Variants in PSMC4 observed in about 807,000 individuals in gnomAD.
The protein encoded by PSMC4 is 26S proteasome regulatory subunit 6B.
PSMC4 carries 13 observed loss-of-function variants against 48.4 expected under a neutral mutation model. That is an observed-to-expected ratio of 0.27 (90% CI 0.18 to 0.43). The LOEUF (loss-of-function observed/expected upper bound fraction) is 0.43, where lower values mean the gene tolerates loss of function less well. Ranked by LOEUF, PSMC4 falls within the 20% of genes least tolerant of loss-of-function variation. PSMC4 has a pLI of 1.00. For missense variants in PSMC4, 262 were observed against 555.9 expected, an observed-to-expected ratio of 0.47 and a Z score of 5.32; for synonymous variants, 202 against 212.3, an observed-to-expected ratio of 0.95 and a Z score of 0.42.
At chr19:39,975,107 A>G (rs1339671348) in intron 6 of PSMC4, among the ~76,000 whole-genome samples, 2 of 152,184 alleles carry the variant, frequency 1.3e-5, no homozygotes, top group Non-Finnish European at 2.9e-5. Context: ...TGTGGGTTGC[A>G]GCCAGTATTT....
chr19:39,974,901 C>T lies in PSMC4; in HGVS notation c.673+73C>T, dbSNP rs1255088691. 7 of 1,380,408 alleles carry T rather than the reference C, an allele frequency of 5.1e-6. No homozygotes were observed. The Admixed American group carries it at 1.3e-4, about 25-fold the overall frequency. 85.5% of individuals were successfully genotyped at this position (1,380,408 alleles called of 1,614,324 possible). On this transcript the variant is annotated intron_variant, in intron 6 of 10. Coordinates refer to ENST00000157812, the MANE Select transcript of PSMC4 (RefSeq NM_006503.4). The surrounding 1 kb of genome is among the most constrained non-coding windows in gnomAD (Gnocchi z 5.5). The stretch of plus-strand genomic sequence containing the variant: ...GCCTTGCTCCCTGCTCGCTCACTGG[C>T]ACTGCACAGTAATTAGAAACAGACT...
intron 6 of PSMC4, chr19:39,979,589 TAAG>T (rs1006610325): frequency 8.1e-6 from 3 of 372,452 alleles, no homozygotes; most frequent in Non-Finnish European, 9.4e-6. Flanking sequence ...GACACATTTG[TAAG>T]GATGATTCAT....
At position 39,974,872 on chromosome 19, in the gene PSMC4, C is replaced by T. The variant is rs780997994; in HGVS notation, c.673+44C>T. Reference sequence around the variant, plus strand: ...GCCCCGAGCTCTCATCTTCTGGCCTCTTCGCCTTGCTCCCTGCTCGCTCAC... The same window carrying T: ...GCCCCGAGCTCTCATCTTCTGGCCTTTTCGCCTTGCTCCCTGCTCGCTCAC... On this transcript the variant is annotated intron_variant, in intron 6 of 10. Coordinates refer to ENST00000157812, the MANE Select transcript of PSMC4 (RefSeq NM_006503.4). This position sits in a 1 kb window ranked among gnomAD's most constrained non-coding sequence, Gnocchi z 5.5. 1 of 1,545,352 alleles carries T rather than the reference C, an allele frequency of 6.5e-7. No individual in the cohort carries two copies. Among genetic ancestry groups the T allele is most frequent in the East Asian group, 2.3e-5 (1 of 44,412 alleles).
chr19:39,974,918 A>G lies in PSMC4; in HGVS notation c.673+90A>G. On this transcript the variant is annotated intron_variant, in intron 6 of 10. Transcript: ENST00000157812. This position sits in a 1 kb window ranked among gnomAD's most constrained non-coding sequence, Gnocchi z 5.5. The stretch of plus-strand genomic sequence containing the variant: ...CTCACTGGCACTGCACAGTAATTAG[A>G]AACAGACTCTGGGGTCATAGCCCAC... The G allele has an allele frequency of 7.8e-7, 1 of 1,275,508 alleles. No individual in the cohort carries two copies. Among genetic ancestry groups the G allele is most frequent in the Non-Finnish European group, 1.1e-6 (1 of 907,360 alleles). 79.0% of individuals were successfully genotyped at this position (1,275,508 alleles called of 1,614,324 possible).
chr19:39,976,846 ATT>A (rs1222145410), intron 6 of PSMC4, among the ~76,000 whole-genome samples: 29 of 105,736 alleles, frequency 2.7e-4, no homozygotes, highest in African/African-American at 5.9e-4. Flanking sequence ...TTTGTGTGTG[ATT>A]TTTTTTTTTT....
intron 6 of PSMC4, among the ~76,000 whole-genome samples, chr19:39,976,244 A>AAAAT (rs1336383167): frequency 1.5e-5 from 2 of 132,406 alleles, no homozygotes; most frequent in Admixed American, 7.8e-5. Context: ...CTCCAAAAAA[A>AAAAT]ATATATATAT....
rs1375752136 is a variant in PSMC4 at position 39,974,346 on chromosome 19, G to A, written c.375G>A (p.Lys125=). Residue 125 remains lysine (K), a synonymous_variant, in exon 4 of 11, where the codon AAG becomes AAA. Coordinates refer to ENST00000157812, the MANE Select transcript of PSMC4 (RefSeq NM_006503.4). The surrounding 1 kb of genome is among the most constrained non-coding windows in gnomAD (Gnocchi z 5.5). ...GCACCATCGATCGGGAGCTGCTCAA[G>A]CCCAACGCCTCAGTGGCCCTCCACA... ...ILSTIDRELL[K]PNASVALHKH... is the part of the protein sequence containing the mutation. 5 of 1,614,140 alleles carry A rather than the reference G, an allele frequency of 3.1e-6. No homozygotes were observed. Among genetic ancestry groups the A allele is most frequent in the Non-Finnish European group, 4.2e-6 (5 of 1,180,018 alleles).
chr19:39,972,768 G>A (rs1971124184), intron 3 of PSMC4, among the ~76,000 whole-genome samples: 1 of 151,576 alleles, frequency 6.6e-6, no homozygotes, highest in Non-Finnish European at 1.5e-5. Context: ...TTTGTTTTGA[G>A]ACAGAGTTTT....
At position 39,974,847 on chromosome 19, in the gene PSMC4, G is replaced by A; in HGVS notation, c.673+19G>A. The A allele has an allele frequency of 6.2e-7, 1 of 1,602,418 alleles. No individual in the cohort carries two copies. Among genetic ancestry groups the A allele is most frequent in the Non-Finnish European group, 8.5e-7 (1 of 1,170,254 alleles). On this transcript the variant is annotated intron_variant, in intron 6 of 10. Coordinates refer to ENST00000157812, the MANE Select transcript of PSMC4 (RefSeq NM_006503.4). This position sits in a 1 kb window ranked among gnomAD's most constrained non-coding sequence, Gnocchi z 5.5. ...ACAACAGGTGAGCCCTTTCGCCCCTGCCCCGAGCTCTCATCTTCTGGCCTC... is the reference window on the plus strand; with the variant it reads ...ACAACAGGTGAGCCCTTTCGCCCCTACCCCGAGCTCTCATCTTCTGGCCTC...
chr19:39,981,121 T>C, intron 10 of PSMC4, 71 bp from the exon 11 acceptor site: 1 of 1,169,924 alleles, frequency 8.5e-7, no homozygotes, highest in Non-Finnish European at 1.3e-6. Context: ...CCTCCCAAAG[T>C]GTCGGGATTA....
At position 39,980,140 on chromosome 19, in the gene PSMC4, T is replaced by G; in HGVS notation, c.912T>G (p.Asn304Lys). The G allele has an allele frequency of 6.2e-7, 1 of 1,613,922 alleles. No individual in the cohort carries two copies. Among genetic ancestry groups the G allele is most frequent in the Non-Finnish European group, 8.5e-7 (1 of 1,179,990 alleles). The stretch of plus-strand genomic sequence containing the variant: ...TGGATGGATTTGATCAGAATGTCAA[T>G]GTCAAGGTTTGGGGTTTGGGATGGA... ...NQMDGFDQNV[N>K]VKVIMATNRA... The change falls in exon 8 of 11, where the codon AAT becomes AAG. Residue 304 changes from asparagine to lysine, a missense_variant. Around this residue, in one of 4 missense-constraint regions of PSMC4, gnomAD observed 84 missense variants for 157.8 expected, o/e 0.53. Coordinates refer to ENST00000157812, the MANE Select transcript of PSMC4 (RefSeq NM_006503.4). The surrounding 1 kb of genome is among the most constrained non-coding windows in gnomAD (Gnocchi z 4.8).
rs1971173861 is a variant in PSMC4 at position 39,974,929 on chromosome 19, G to T, written c.673+101G>T. ...TGCACAGTAATTAGAAACAGACTCTGGGGTCATAGCCCACGTGTGCATGTT... is the reference window on the plus strand; with the variant it reads ...TGCACAGTAATTAGAAACAGACTCTTGGGTCATAGCCCACGTGTGCATGTT... On this transcript the variant is annotated intron_variant, in intron 6 of 10. Transcript: ENST00000157812. This position sits in a 1 kb window ranked among gnomAD's most constrained non-coding sequence, Gnocchi z 5.5. The T allele has an allele frequency of 6.8e-6, 8 of 1,177,646 alleles. No homozygotes were observed. The highest frequency in any genetic ancestry group is 2.1e-5 in the Admixed American group (1 of 48,264). 72.9% of individuals were successfully genotyped at this position (1,177,646 alleles called of 1,614,324 possible). A position where few individuals can be genotyped will look rare whatever the true frequency, so the allele number is the denominator to read the frequency against.
chr19:39,974,332 C>A lies in PSMC4; in HGVS notation c.361C>A (p.Arg121=). The change falls in exon 4 of 11, where the codon CGG becomes AGG. Residue 121 remains arginine (R), a synonymous_variant. Transcript: ENST00000157812. This position sits in a 1 kb window ranked among gnomAD's most constrained non-coding sequence, Gnocchi z 5.5. ...TGTGCGCATCCTGAGCACCATCGAT[C>A]GGGAGCTGCTCAAGCCCAACGCCTC... ...YYVRILSTID[R]ELLKPNASVA... is the part of the protein sequence containing the mutation. 1.2e-6 allele frequency: 2 copies of A among 1,614,122 alleles called. No homozygotes were observed. Among genetic ancestry groups the A allele is most frequent in the Non-Finnish European group, 1.7e-6 (2 of 1,180,020 alleles).
At chr19:39,979,212 TTTTC>T (rs2144618456) in intron 6 of PSMC4, among the ~76,000 whole-genome samples, 1 of 152,302 alleles carries the variant, frequency 6.6e-6, no homozygotes, top group South Asian at 2.1e-4. Context: ...AGACTGGTTT[TTTTC>T]TTTCTTATTT....
intron 6 of PSMC4, among the ~76,000 whole-genome samples, chr19:39,975,209 C>T (rs1039189996): frequency 6.6e-5 from 10 of 152,166 alleles, no homozygotes; most frequent in Admixed American, 5.2e-4. Flanking sequence ...TCATCTGTTT[C>T]GTGAAACTTG....
chr19:39,979,576 A>AAGTGACACAT, intron 6 of PSMC4: 1 of 345,478 alleles, frequency 2.9e-6, no homozygotes, highest in African/African-American at 2.1e-5. Context: ...AAAAAAAAAA[A>AAGTGACACAT]GTGACACATT....
Position 39,981,581 on chromosome 19 carries a change from C to A in PSMC4, c.*276C>A, listed in dbSNP as rs905315294. ...GCTTGAGAGAACCAAAATATTCAAA[C>A]CAGATGACTTCCAAAATGTGGGGAA... On this transcript the variant is annotated 3_prime_UTR_variant, in exon 11 of 11. Transcript: ENST00000157812. 6 of 331,336 alleles carry A rather than the reference C, an allele frequency of 1.8e-5. No individual in the cohort carries two copies. Among genetic ancestry groups the A allele is most frequent in the Non-Finnish European group, 3.4e-5 (6 of 175,544 alleles). The allele number at this position is 331,336 out of a possible 1,614,324, so 20.5% of individuals were successfully genotyped here.
Position 39,979,968 on chromosome 19 carries a change from C to T in PSMC4, c.825C>T (p.Phe275=), listed in dbSNP as rs1361580117. ...DEIDAIATKR[F]DAQTGADREV... ...TTGATGCCATCGCCACCAAGAGATT[C>T]GATGCTCAGACAGGGGGTAAGTGAT... Residue 275 remains phenylalanine (F), a synonymous_variant, in exon 7 of 11, where the codon TTC becomes TTT. Transcript: ENST00000157812. The T allele has an allele frequency of 6.2e-6, 10 of 1,613,962 alleles. No homozygotes were observed. The highest frequency in any genetic ancestry group is 4.5e-5 in the East Asian group (2 of 44,876).
chr19:39,972,565 G>A lies in PSMC4; in HGVS notation c.322+10G>A. The A allele has an allele frequency of 6.2e-7, 1 of 1,601,592 alleles. No individual in the cohort carries two copies. Among genetic ancestry groups the A allele is most frequent in the Non-Finnish European group, 8.5e-7 (1 of 1,171,904 alleles). ...GTGGGCTCTACCACAGGTGTGCTAA[G>A]GACACCTCATTCATTCATCTGTCCA... On this transcript the variant is annotated intron_variant, in intron 3 of 10. Transcript: ENST00000157812.
Sources: allele counts gnomAD v4.1 joint callset (sites outside exome capture counted in the v4.1 genomes callset), GRCh38; gene constraint gnomAD v4.1.1; regional missense constraint gnomAD v4.1.1; non-coding constraint Gnocchi (gnomAD v3.1); transcripts MANE v1.5; gene names NCBI Gene and HGNC (gene_info 2026-07-23, HGNC 2026-07-21).